BLTP1: variants seen among roughly 807,000 people sequenced by gnomAD.
BLTP1 encodes the protein bridge-like lipid transfer protein family member 1.
At chr4:122,168,694 A>G in the BLTP1 span, among the ~76,000 whole-genome samples, 65 of 152,160 alleles carry the variant, frequency 4.3e-4, no homozygotes, top group African/African-American at 1.5e-3. Context: ...ATACGAGAAC[A>G]TTTTTTACTC....
At chr4:122,340,775 T>C in the BLTP1 span, 2 of 982,930 alleles carry the variant, frequency 2.0e-6, no homozygotes, top group South Asian at 9.4e-5. Flanking sequence ...AGTGGTAGTG[T>C]TGGTTTTTGA....
At chr4:122,170,634 G>A in the BLTP1 span, 2 of 1,548,870 alleles carry the variant, frequency 1.3e-6, no homozygotes, top group African/African-American at 1.4e-5. Flanking sequence ...TGTTGTTCTG[G>A]AAAAACTTTA....
chr4:122,220,150 G>A, the BLTP1 span: 135 of 218,906 alleles, frequency 6.2e-4, 2 homozygotes, highest in African/African-American at 3.0e-3. Flanking sequence ...GTGGCCCTCT[G>A]TTGCTTAGTG....
At chr4:122,229,450 T>C in the BLTP1 span, among the ~76,000 whole-genome samples, 1 of 152,206 alleles carries the variant, frequency 6.6e-6, no homozygotes, top group Non-Finnish European at 1.5e-5. Flanking sequence ...CTCTGAGTTA[T>C]TGTAACATTG....
the BLTP1 span, chr4:122,279,806 C>G: frequency 6.2e-7 from 1 of 1,613,928 alleles, no homozygotes; most frequent in Non-Finnish European, 8.5e-7. Context: ...TGCCAAGTCC[C>G]AAGCCCTCTA....
chr4:122,198,211 C>T, the BLTP1 span: 7,980 of 973,418 alleles, frequency 8.2e-3, 498 homozygotes, highest in African/African-American at 0.13. Flanking sequence ...TGTATCTTTT[C>T]CCCATAACTC....
chr4:122,217,586 A>T, the BLTP1 span, among the ~76,000 whole-genome samples: 29 of 152,116 alleles, frequency 1.9e-4, no homozygotes, highest in Non-Finnish European at 3.8e-4. Flanking sequence ...ATGGTGAATT[A>T]TCTTTTTGAT....
the BLTP1 span, among the ~76,000 whole-genome samples, chr4:122,173,831 T>G: frequency 3.3e-5 from 5 of 152,196 alleles, no homozygotes; most frequent in African/African-American, 1.2e-4. Flanking sequence ...TAAAAGAGTT[T>G]GAAAAACTTG....
the BLTP1 span, among the ~76,000 whole-genome samples, chr4:122,331,993 T>C: frequency 1.3e-5 from 2 of 152,008 alleles, no homozygotes; most frequent in African/African-American, 4.8e-5. Flanking sequence ...ACTGCAGCTT[T>C]ACTATTTGTT....
the BLTP1 span, among the ~76,000 whole-genome samples, chr4:122,173,559 C>T: frequency 2.6e-5 from 4 of 152,088 alleles, no homozygotes; most frequent in East Asian, 3.8e-4. Flanking sequence ...TAAGTTTCAA[C>T]GTGAGTTTTA....
At chr4:122,266,490 A>G in the BLTP1 span, among the ~76,000 whole-genome samples, 2 of 152,180 alleles carry the variant, frequency 1.3e-5, no homozygotes, top group African/African-American at 4.8e-5. Context: ...TGATTTAACT[A>G]ATTCATAATT....
At chr4:122,362,275 A>G in the BLTP1 span, 1 of 1,573,936 alleles carries the variant, frequency 6.4e-7, no homozygotes. Context: ...TGAACAAATT[A>G]TGATTGTGTC....
At chr4:122,343,852 A>T in the BLTP1 span, 1 of 643,670 alleles carries the variant, frequency 1.6e-6, no homozygotes, top group African/African-American at 2.0e-5. Context: ...ACAGCACAGT[A>T]ATCTCTGGAT....
the BLTP1 span, chr4:122,269,736 A>G: frequency 1.0e-6 from 1 of 960,472 alleles, no homozygotes; most frequent in South Asian, 4.8e-5. Context: ...TTGTAAAGCC[A>G]GGGCAGTTAC....
chr4:122,181,497 A>G, the BLTP1 span, among the ~76,000 whole-genome samples: 4 of 152,116 alleles, frequency 2.6e-5, no homozygotes, highest in Non-Finnish European at 5.9e-5. Context: ...TTCTTGGTTA[A>G]CTGCCAAGCA....
At chr4:122,337,558 A>C in the BLTP1 span, among the ~76,000 whole-genome samples, 2 of 152,040 alleles carry the variant, frequency 1.3e-5, no homozygotes, top group Non-Finnish European at 2.9e-5. Context: ...AGTTTCATAG[A>C]TCTTTGGGTT....
the BLTP1 span, chr4:122,315,311 A>G: frequency 9.8e-7 from 1 of 1,024,230 alleles, no homozygotes; most frequent in South Asian, 1.6e-5. Context: ...CACACTGTAC[A>G]CATAGAGAAA....
the BLTP1 span, chr4:122,192,429 G>C: frequency 1.3e-4 from 152 of 1,191,688 alleles, no homozygotes; most frequent in East Asian, 1.2e-3. Flanking sequence ...GTATTTAGAT[G>C]TATATAATTT....
the BLTP1 span, chr4:122,301,418 C>G: frequency 1.8e-4 from 254 of 1,437,642 alleles, 1 homozygote; most frequent in Non-Finnish European, 2.7e-5. Flanking sequence ...TATAATGATA[C>G]TTTTATAAAA....
Sources: allele counts gnomAD v4.1 joint callset (sites outside exome capture counted in the v4.1 genomes callset), GRCh38; gene constraint gnomAD v4.1.1; transcripts MANE v1.5; gene names NCBI Gene and HGNC (gene_info 2026-07-23, HGNC 2026-07-21).